Variants in MAP7D1 observed in about 807,000 individuals in gnomAD.
MAP7D1 encodes MAP7 domain-containing protein 1.
MAP7D1 carries 30 observed loss-of-function variants against 97.5 expected under a neutral mutation model. That is an observed-to-expected ratio of 0.31 (90% CI 0.23 to 0.42). The LOEUF is 0.42. Among genes scored for constraint, MAP7D1 ranks in the 10% least tolerant of loss-of-function variants. MAP7D1 has a pLI of 1.00. For synonymous variants in MAP7D1, 536 were observed against 477.1 expected, an observed-to-expected ratio of 1.12 and a Z score of -1.61; for missense variants, 1,184 against 1,179.5, an observed-to-expected ratio of 1.00 and a Z score of -0.06.
chr1:36,180,402 C>T lies in MAP7D1; in HGVS notation c.*144C>T, dbSNP rs1644700662. The stretch of plus-strand genomic sequence containing the variant: ...TCCTCTCTGTTGTTTTTAATCTGCA[C>T]CTTATAGACTGATGTCTCTTTGGCC... On this transcript the variant is annotated 3_prime_UTR_variant, in exon 17 of 17. Coordinates refer to ENST00000474796, the MANE Select transcript of MAP7D1 (RefSeq NM_001388490.1). 9.2e-7 allele frequency: 1 copy of T among 1,088,858 alleles called. No homozygotes were observed. Among genetic ancestry groups the T allele is most frequent in the Non-Finnish European group, 1.4e-6 (1 of 713,736 alleles). 67.4% of individuals were successfully genotyped at this position (1,088,858 alleles called of 1,614,324 possible).
At chr1:36,177,398 C>T (rs1023505937) in intron 8 of MAP7D1, 7 of 378,086 alleles carry the variant, frequency 1.9e-5, no homozygotes, top group African/African-American at 1.3e-4. Flanking sequence ...GCCTCACGCC[C>T]GTAATCCCAG....
rs1268448065 is a variant in MAP7D1 at position 36,176,369 on chromosome 1, G to A, written c.1021G>A (p.Ala341Thr). 7.9e-6 allele frequency: 12 copies of A among 1,524,456 alleles called. No homozygotes were observed. The highest frequency in any genetic ancestry group is 7.6e-5 in the East Asian group (3 of 39,708). The allele number at this position is 1,524,456 out of a possible 1,614,324, so 94.4% of individuals were successfully genotyped here. ...GRGPTWGRAG[A>T]SLARGPQPDR... ...AGGCCCCACGTGGGGCCGGGCAGGG[G>A]CCAGCCTGGCGCGCGGGCCGCAACC... The change falls in exon 7 of 17, where the codon GCC becomes ACC. Residue 341 changes from alanine (A) to threonine (T), a missense_variant. Coordinates refer to ENST00000474796, the MANE Select transcript of MAP7D1 (RefSeq NM_001388490.1). This position sits in a 1 kb window ranked among gnomAD's most constrained non-coding sequence, Gnocchi z 6.1.
chr1:36,173,049 A>G (rs1208084718), intron 4 of MAP7D1, among the ~76,000 whole-genome samples: 1 of 152,154 alleles, frequency 6.6e-6, no homozygotes, highest in Non-Finnish European at 1.5e-5. Context: ...CAAGGTCAGG[A>G]CCCTCAGTGC....
chr1:36,157,180 T>C (rs1644346990), intron 1 of MAP7D1: 1 of 152,258 alleles, frequency 6.6e-6, no homozygotes, highest in African/African-American at 2.4e-5. Flanking sequence ...AGGCCTACTC[T>C]GGAGCCCACC....
intron 6 of MAP7D1, 112 bp downstream of exon 6, chr1:36,175,120 C>T (rs1298632159): frequency 1.4e-6 from 1 of 702,710 alleles, no homozygotes; most frequent in African/African-American, 1.8e-5. Flanking sequence ...TACTCCAGGT[C>T]CCCATCCCCA....
chr1:36,164,985 T>C (rs1001361744), intron 1 of MAP7D1, among the ~76,000 whole-genome samples: 1 of 152,222 alleles, frequency 6.6e-6, no homozygotes, highest in African/African-American at 2.4e-5. Flanking sequence ...AGGCAAAAAT[T>C]TGTGCCCTCA....
chr1:36,179,273 G>A lies in MAP7D1; in HGVS notation c.2142G>A (p.Glu714=), dbSNP rs1644680843. ...ERQERRKRLE[E]IMKRTRKSEV... is the part of the protein sequence containing the mutation. ...CGGCCTCCAAACAGCGTCTGGAGGA[G>A]ATCATGAAGAGGACTCGGAAGTCAG... is the stretch of plus-strand genomic sequence containing the variant. The change falls in exon 13 of 17, where the codon GAG becomes GAA. Residue 714 remains glutamate (E), a synonymous_variant. Coordinates refer to ENST00000474796, the MANE Select transcript of MAP7D1 (RefSeq NM_001388490.1). 1.2e-6 allele frequency: 2 copies of A among 1,613,964 alleles called. No homozygotes were observed. Among genetic ancestry groups the A allele is most frequent in the Non-Finnish European group, 8.5e-7 (1 of 1,179,978 alleles).
intron 8 of MAP7D1, 36 bp from the exon 9 acceptor site, chr1:36,177,837 T>C (rs1644650139): frequency 6.6e-7 from 1 of 1,521,048 alleles, no homozygotes; most frequent in Admixed American, 2.2e-5. Context: ...TGGGTGTGTG[T>C]GTCTCCTAAC....
At chr1:36,174,478 G>C (rs549386634) in intron 5 of MAP7D1, among the ~76,000 whole-genome samples, 1 of 152,330 alleles carries the variant, frequency 6.6e-6, no homozygotes, top group South Asian at 2.1e-4. Context: ...GACTGTGACT[G>C]TGTAGGTCCT....
Position 36,180,442 on chromosome 1 carries a change from C to A in MAP7D1, c.*184C>A. 2 of 769,120 alleles carry A rather than the reference C, an allele frequency of 2.6e-6. No homozygotes were observed. The highest frequency in any genetic ancestry group is 2.2e-5 in the Admixed American group (1 of 44,488). The allele number at this position is 769,120 out of a possible 1,614,324, so 47.6% of individuals were successfully genotyped here. On this transcript the variant is annotated 3_prime_UTR_variant, in exon 17 of 17. Transcript: ENST00000474796. ...TCTCTTTGGCCGGAGCCAGATCTGC[C>A]CCTCAGTGCATTCGTGTGCTCGCAC...
At chr1:36,168,938 T>C (rs1206348732) in intron 1 of MAP7D1, among the ~76,000 whole-genome samples, 2 of 152,080 alleles carry the variant, frequency 1.3e-5, no homozygotes, top group Non-Finnish European at 1.5e-5. Context: ...TCATAACTAT[T>C]GTCAGTGAGG....
intron 1 of MAP7D1, among the ~76,000 whole-genome samples, chr1:36,164,773 C>A (rs1347884480): frequency 6.6e-6 from 1 of 152,188 alleles, no homozygotes; most frequent in East Asian, 1.9e-4. Flanking sequence ...TTTGCATTTG[C>A]TCTGGCTGCT....
At chr1:36,179,095 C>A in intron 12 of MAP7D1, 70 bp downstream of exon 12, 1 of 1,517,008 alleles carries the variant, frequency 6.6e-7, no homozygotes, top group Non-Finnish European at 8.9e-7. Context: ...GGGGCCTGGG[C>A]TTAGAGCGGA....
At chr1:36,165,920 G>A (rs1023918765) in intron 1 of MAP7D1, among the ~76,000 whole-genome samples, 1 of 151,888 alleles carries the variant, frequency 6.6e-6, no homozygotes, top group Non-Finnish European at 1.5e-5. Flanking sequence ...TTAGTAGACG[G>A]GATTTCGCCA....
At position 36,178,936 on chromosome 1, in the gene MAP7D1, G is replaced by T; in HGVS notation, c.2041G>T (p.Ala681Ser). 1 of 1,556,308 alleles carries T rather than the reference G, an allele frequency of 6.4e-7. No individual in the cohort carries two copies. Residue 681 changes from alanine to serine, a missense_variant, in exon 12 of 17, where the codon GCT becomes TCT. Transcript: ENST00000474796. ...RLQKQKEEAEARSREEAERQR... is the reference protein window; with the variant it reads ...RLQKQKEEAESRSREEAERQR... ...TCTTTGGCAGAAAGAGGAGGCCGAA[G>T]CTCGGTCGCGGGAAGAGGCGGAGCG...
intron 1 of MAP7D1, among the ~76,000 whole-genome samples, chr1:36,170,494 C>CA (rs11368766): frequency 0.88 from 133,371 of 152,194 alleles, 58,777 homozygotes; most frequent in African/African-American, 0.96. Flanking sequence ...GACATGGAAA[C>CA]AATCAGTGCA....
In MAP7D1 at chr1:36,173,424, C is replaced by G; in HGVS notation, c.685C>G (p.Gln229Glu). The change falls in exon 5 of 17, where the codon CAG becomes GAG. Residue 229 changes from glutamine (Q) to glutamate (E), a missense_variant. By Grantham distance (29) the Gln-to-Glu change is conservative. Transcript: ENST00000474796. ...GAAGACGTGGGCCGAAATCCGGCAG[C>G]AGCGCTGGTCCTGGGCAGGGGCCCT... ...VKKTWAEIRQ[Q>E]RWSWAGALHH... 6.2e-7 allele frequency: 1 copy of G among 1,614,110 alleles called. No individual in the cohort carries two copies. Among genetic ancestry groups the G allele is most frequent in the Non-Finnish European group, 8.5e-7 (1 of 1,179,996 alleles).
Position 36,156,346 on chromosome 1 carries a change from A to T in MAP7D1, c.-72A>T. The T allele has an allele frequency of 7.7e-7, 1 of 1,299,856 alleles. No homozygotes were observed. Among genetic ancestry groups the T allele is most frequent in the South Asian group, 1.5e-5 (1 of 68,900 alleles). 80.5% of individuals were successfully genotyped at this position (1,299,856 alleles called of 1,614,324 possible). A position where few individuals can be genotyped will look rare whatever the true frequency, so the allele number is the denominator to read the frequency against. ...CGGGCCGGGCGTGATGCGCCGCGGG[A>T]CCCCTGTCCTGGCCACTGGCCGCCG... On this transcript the variant is annotated 5_prime_UTR_variant, in exon 1 of 17. Transcript: ENST00000474796.
intron 1 of MAP7D1, among the ~76,000 whole-genome samples, chr1:36,161,441 T>C (rs193289758): frequency 2.2e-4 from 34 of 152,348 alleles, no homozygotes; most frequent in African/African-American, 8.2e-4. Context: ...GTCATGCTGA[T>C]TGGGTCCAAA....
Sources: allele counts gnomAD v4.1 joint callset (sites outside exome capture counted in the v4.1 genomes callset), GRCh38; gene constraint gnomAD v4.1.1; non-coding constraint Gnocchi (gnomAD v3.1); transcripts MANE v1.5; gene names NCBI Gene and HGNC (gene_info 2026-07-23, HGNC 2026-07-21).